C2: variants seen among roughly 807,000 people sequenced by gnomAD.
C2 encodes the protein C3/C5 convertase.
C2 carries 64 observed loss-of-function variants against 85.2 expected under a neutral mutation model. That is an observed-to-expected ratio of 0.75 (90% CI 0.61 to 0.92). The LOEUF is 0.92. C2 is among the 40% of genes least tolerant of loss of function. The pLI is 0.00. For synonymous variants in C2, 311 were observed against 370.8 expected, an observed-to-expected ratio of 0.84 and a Z score of 1.85; for missense variants, 820 against 971.6, an observed-to-expected ratio of 0.84 and a Z score of 2.07.
chr6:31,941,975 G>T (rs1206347431), intron 9 of C2, among the ~76,000 whole-genome samples: 1 of 151,758 alleles, frequency 6.6e-6, no homozygotes, highest in Non-Finnish European at 1.5e-5. Context: ...GTGCCAGCAT[G>T]TCTGGCTAAT....
chr6:31,932,670 G>A (rs574712117), intron 3 of C2, among the ~76,000 whole-genome samples: 34 of 151,170 alleles, frequency 2.2e-4, no homozygotes, highest in Admixed American at 4.6e-4. Context: ...CATCCCAGAC[G>A]ATGGGTGGCC....
intron 5 of C2, 75 bp from the exon 6 acceptor site, chr6:31,934,091 G>A: frequency 6.3e-7 from 1 of 1,588,072 alleles, no homozygotes; most frequent in South Asian, 1.1e-5. Flanking sequence ...GAGGGAGGCA[G>A]AGAAGCTGGA....
chr6:31,925,124 A>C (rs1313048805), upstream of C2, among the ~76,000 whole-genome samples: 1 of 152,214 alleles, frequency 6.6e-6, no homozygotes, highest in African/African-American at 2.4e-5. Context: ...ATGGAAGATC[A>C]GCAGAAGAAC....
At position 31,944,720 on chromosome 6, in the gene C2, G is replaced by T; in HGVS notation, c.1903-7G>T. On this transcript the variant is annotated splice_polypyrimidine_tract_variant and splice_region_variant and intron_variant, in intron 15 of 17. Coordinates refer to ENST00000299367, the MANE Select transcript of C2 (RefSeq NM_000063.6). This position sits in a 1 kb window ranked among gnomAD's most constrained non-coding sequence, Gnocchi z 5.1. ...TACCCTTCTCTCTGGTTCCACCCCT[G>T]CTGCAGTGGACAAGCTGTGCCGAGG... 1.2e-6 allele frequency: 2 copies of T among 1,613,058 alleles called. No homozygotes were observed. The highest frequency in any genetic ancestry group is 2.2e-5 in the South Asian group (2 of 91,074).
chr6:31,938,213 T>C (rs765427397), intron 8 of C2, among the ~76,000 whole-genome samples: 1 of 152,036 alleles, frequency 6.6e-6, no homozygotes, highest in Non-Finnish European at 1.5e-5. Flanking sequence ...GAAACGTGGC[T>C]CTTGAGCAGG....
chr6:31,937,954 A>G (rs1770560329), intron 8 of C2, among the ~76,000 whole-genome samples: 1 of 151,878 alleles, frequency 6.6e-6, no homozygotes, highest in Admixed American at 6.6e-5. Context: ...GCAGTGAGCC[A>G]AGATCATGCC....
At chr6:31,908,394 G>A (rs1767870094) in intron 1 of C2, among the ~76,000 whole-genome samples, 1 of 151,536 alleles carries the variant, frequency 6.6e-6, no homozygotes, top group Non-Finnish European at 1.5e-5. Context: ...ACTCACTCCT[G>A]TAATCCCAGC....
At chr6:31,905,896 G>C (rs1767683509) in intron 1 of C2, among the ~76,000 whole-genome samples, 1 of 152,092 alleles carries the variant, frequency 6.6e-6, no homozygotes, top group African/African-American at 2.4e-5. Context: ...GCTACTCATA[G>C]AGGTAAGGAG....
chr6:31,943,705 G>A lies in C2; in HGVS notation c.1629G>A (p.Gly543=), dbSNP rs1269623198. ...TTGAGAAGGCGGTGATCTCCCCAGGGTTTGATGTCTTTGCCAAAAAGAACC... is the reference window on the plus strand; with the variant it reads ...TTGAGAAGGCGGTGATCTCCCCAGGATTTGATGTCTTTGCCAAAAAGAACC... ...FLIEKAVISP[G]FDVFAKKNQG... The change falls in exon 13 of 18, where the codon GGG becomes GGA. Residue 543 remains glycine, a synonymous_variant. Transcript: ENST00000299367. This position sits in a 1 kb window ranked among gnomAD's most constrained non-coding sequence, Gnocchi z 6.4. The A allele has an allele frequency of 9.3e-6, 15 of 1,612,926 alleles. No individual in the cohort carries two copies. Among genetic ancestry groups the A allele is most frequent in the African/African-American group, 6.7e-5 (5 of 74,916 alleles).
upstream of C2, chr6:31,897,800 G>A: frequency 1.0e-6 from 1 of 988,662 alleles, no homozygotes; most frequent in Non-Finnish European, 1.2e-6. Context: ...TCCCCTGAGA[G>A]CGGCCTCGGA....
chr6:31,942,858 T>A (rs1770994332), intron 9 of C2, 101 bp from the exon 10 acceptor site: 1 of 1,459,790 alleles, frequency 6.9e-7, no homozygotes, highest in African/African-American at 1.4e-5. Flanking sequence ...CCAGCTCATG[T>A]AGGTCTTGAT....
chr6:31,930,946 G>T (rs530296407), intron 3 of C2, among the ~76,000 whole-genome samples: 1 of 152,350 alleles, frequency 6.6e-6, no homozygotes, highest in African/African-American at 2.4e-5. Context: ...ACCCAAGACA[G>T]AATGAGGTTC....
At chr6:31,908,249 C>A (rs1231995576) in intron 1 of C2, among the ~76,000 whole-genome samples, 1 of 151,742 alleles carries the variant, frequency 6.6e-6, no homozygotes, top group African/African-American at 2.4e-5. Flanking sequence ...CTGCCTTGGC[C>A]TCCCAAAGTG....
intron 1 of C2, among the ~76,000 whole-genome samples, chr6:31,905,705 G>A (rs1767670095): frequency 6.6e-6 from 1 of 152,070 alleles, no homozygotes. Context: ...CCAGGTTCCA[G>A]TCCATCTTGA....
chr6:31,942,903 C>T, intron 9 of C2, 56 bp from the exon 10 acceptor site: 1 of 1,608,700 alleles, frequency 6.2e-7, no homozygotes, highest in African/African-American at 1.3e-5. Flanking sequence ...AGCCTCCTGT[C>T]TCATGGGGTA....
At chr6:31,903,134 C>T (rs1767485150) in intron 1 of C2, among the ~76,000 whole-genome samples, 1 of 152,208 alleles carries the variant, frequency 6.6e-6, no homozygotes, top group East Asian at 1.9e-4. Context: ...CCCACTTCCC[C>T]ACCTATCCAA....
At chr6:31,899,716 G>T, upstream of C2, 2 of 572,830 alleles carry the variant, frequency 3.5e-6, no homozygotes, top group Non-Finnish European at 6.0e-6. Context: ...TGGCCTCCAA[G>T]AACCCTTTTC....
intron 1 of C2, among the ~76,000 whole-genome samples, chr6:31,905,995 C>T (rs1440015536): frequency 6.6e-6 from 1 of 152,130 alleles, no homozygotes; most frequent in Non-Finnish European, 1.5e-5. Flanking sequence ...CTTTTTACAA[C>T]GATGCTTAGC....
At position 31,945,554 on chromosome 6, in the gene C2, C is replaced by T; in HGVS notation, c.*197C>T. The T allele has an allele frequency of 1.6e-6, 1 of 627,110 alleles. No homozygotes were observed. The highest frequency in any genetic ancestry group is 2.9e-6 in the Non-Finnish European group (1 of 348,250). The allele number at this position is 627,110 out of a possible 1,614,324, so 38.8% of individuals were successfully genotyped here. ...TACCAGCAGGACTGCCTCGCTGCCCCACCTCCCGCTCCTTGGCCTGTCCCC... is the reference window on the plus strand; with the variant it reads ...TACCAGCAGGACTGCCTCGCTGCCCTACCTCCCGCTCCTTGGCCTGTCCCC... On this transcript the variant is annotated 3_prime_UTR_variant, in exon 18 of 18. Transcript: ENST00000299367. This position sits in a 1 kb window ranked among gnomAD's most constrained non-coding sequence, Gnocchi z 5.3.
Sources: allele counts gnomAD v4.1 joint callset (sites outside exome capture counted in the v4.1 genomes callset), GRCh38; gene constraint gnomAD v4.1.1; non-coding constraint Gnocchi (gnomAD v3.1); transcripts MANE v1.5; gene names NCBI Gene and HGNC (gene_info 2026-07-23, HGNC 2026-07-21).